Variants in BTLA observed in about 807,000 individuals in gnomAD.
The protein encoded by BTLA is B- and T-lymphocyte attenuator.
A neutral mutation model predicts 25.0 loss-of-function variants in BTLA; 11 were observed. The ratio of observed to expected loss-of-function variants is 0.44; its 90% CI spans 0.28 to 0.73. The LOEUF is 0.73. BTLA is among the 30% of genes least tolerant of loss of function. The pLI is 0.15. For missense variants in BTLA, 282 were observed against 332.8 expected, an observed-to-expected ratio of 0.85 and a Z score of 1.19; for synonymous variants, 104 against 119.8, an observed-to-expected ratio of 0.87 and a Z score of 0.86.
intron 1 of BTLA, among the ~76,000 whole-genome samples, chr3:112,483,848 A>C (rs2082331585): frequency 6.6e-6 from 1 of 151,952 alleles, no homozygotes; most frequent in Non-Finnish European, 1.5e-5. Context: ...CGTGCCTGTA[A>C]TCCCAGCTAC....
chr3:112,494,213 T>C (rs2082396528), intron 1 of BTLA, among the ~76,000 whole-genome samples: 1 of 152,064 alleles, frequency 6.6e-6, no homozygotes, highest in Non-Finnish European at 1.5e-5. Flanking sequence ...GGAGATAACA[T>C]CTCACGCCAG....
rs548314920 is a variant in BTLA, at chr3:112,472,318, T to A, written c.404-963A>T. ...TTTTATATTTGTGTGCATTATGGGT[T>A]GTGATGTAAGATCTGGTTGTTGTTG... On this transcript the variant is annotated intron_variant, in intron 2 of 4. Transcript: ENST00000334529. Among the ~76,000 whole-genome samples the A allele has an allele frequency of 5.9e-5, 9 of 152,298 alleles. No homozygotes were observed. In the South Asian group the frequency reaches 1.9e-3, roughly 32 times the overall value.
intron 1 of BTLA, among the ~76,000 whole-genome samples, chr3:112,493,560 C>T (rs987811126): frequency 2.6e-5 from 4 of 152,158 alleles, no homozygotes; most frequent in African/African-American, 9.6e-5. Context: ...AGCTGGAGTG[C>T]AGTGGTGCAA....
chr3:112,477,487 T>C (rs765043226), intron 2 of BTLA, among the ~76,000 whole-genome samples: 61 of 152,224 alleles, frequency 4.0e-4, no homozygotes, highest in South Asian at 1.0e-3. Context: ...TTGTATATTT[T>C]CTTTGATGAA....
chr3:112,474,852 G>A (rs2082280681), intron 2 of BTLA, among the ~76,000 whole-genome samples: 1 of 152,194 alleles, frequency 6.6e-6, no homozygotes, highest in Admixed American at 6.5e-5. Context: ...GCAATTGAGA[G>A]GCTGTATATG....
intron 4 of BTLA, among the ~76,000 whole-genome samples, chr3:112,469,450 A>C (rs934363156): frequency 6.6e-6 from 1 of 151,992 alleles, no homozygotes; most frequent in Non-Finnish European, 1.5e-5. Context: ...AGCAGAGTCA[A>C]GTTTGTATGG....
chr3:112,494,351 A>G (rs1441915102), intron 1 of BTLA, among the ~76,000 whole-genome samples: 1 of 152,142 alleles, frequency 6.6e-6, no homozygotes, highest in Non-Finnish European at 1.5e-5. Flanking sequence ...CAGTATGGCA[A>G]TTCCTCGATC....
intron 4 of BTLA, among the ~76,000 whole-genome samples, chr3:112,467,377 A>T (rs191126469): frequency 2.6e-5 from 4 of 152,226 alleles, no homozygotes; most frequent in African/African-American, 9.7e-5. Context: ...TCAGTTATTT[A>T]TTAGCCGCTC....
chr3:112,472,771 T>A (rs1472039469), intron 2 of BTLA, among the ~76,000 whole-genome samples: 1 of 152,124 alleles, frequency 6.6e-6, no homozygotes, highest in East Asian at 1.9e-4. Context: ...GTAAAAATGA[T>A]TAGAGGCAAC....
chr3:112,484,372 T>C (rs922985365), intron 1 of BTLA, among the ~76,000 whole-genome samples: 2 of 152,222 alleles, frequency 1.3e-5, no homozygotes, highest in African/African-American at 2.4e-5. Flanking sequence ...AATGAGACTA[T>C]TCATTTGAAC....
chr3:112,485,937 C>T (rs113631849), intron 1 of BTLA, among the ~76,000 whole-genome samples: 5,006 of 152,210 alleles, frequency 0.033, 253 homozygotes, highest in African/African-American at 0.11. Flanking sequence ...ACGGTGAAAC[C>T]CCGTCTCTAC....
At chr3:112,470,580 T>G (rs1331008691) in intron 3 of BTLA, 5 of 152,230 alleles carry the variant, frequency 3.3e-5, no homozygotes. Flanking sequence ...ACTTAACATA[T>G]TTGGTCATGA....
intron 1 of BTLA, among the ~76,000 whole-genome samples, chr3:112,493,419 T>G (rs1241848191): frequency 6.6e-6 from 1 of 152,054 alleles, no homozygotes; most frequent in Admixed American, 6.5e-5. Context: ...AGGCCTAATA[T>G]CCAGAATTTA....
At chr3:112,476,660 C>T (rs554966552) in intron 2 of BTLA, among the ~76,000 whole-genome samples, 8 of 152,172 alleles carry the variant, frequency 5.3e-5, no homozygotes, top group African/African-American at 1.9e-4. Flanking sequence ...TTCTTTGATC[C>T]AAATATATTT....
chr3:112,467,187 C>G (rs1480907805), intron 4 of BTLA, among the ~76,000 whole-genome samples: 5 of 152,106 alleles, frequency 3.3e-5, no homozygotes, highest in Admixed American at 6.5e-5. Context: ...GTCTCGATCT[C>G]CTGACCTCGT....
At chr3:112,478,899 G>T (rs946715164) in intron 2 of BTLA, among the ~76,000 whole-genome samples, 1 of 151,976 alleles carries the variant, frequency 6.6e-6, no homozygotes, top group Non-Finnish European at 1.5e-5. Flanking sequence ...CCTCTTTCGG[G>T]GAACAGGGAA....
At chr3:112,483,809 A>C (rs557527632) in intron 1 of BTLA, among the ~76,000 whole-genome samples, 1 of 152,092 alleles carries the variant, frequency 6.6e-6, no homozygotes, top group South Asian at 2.1e-4. Context: ...CTTTACTAAA[A>C]ATACAAAAAT....
At position 112,465,993 on chromosome 3, in the gene BTLA, AT is replaced by A. The variant is rs2082223132; in HGVS notation, c.*114del. ...TTAAGACCCAAGCACTAACATGAAC[AT>A]TTCTAAAGTAAAAATTCTCAAATTG... On this transcript the variant is annotated 3_prime_UTR_variant, in exon 5 of 5. Coordinates refer to ENST00000334529, the MANE Select transcript of BTLA (RefSeq NM_181780.4). 1 of 1,232,746 alleles carries A rather than the reference AT, an allele frequency of 8.1e-7. No individual in the cohort carries two copies. The highest frequency in any genetic ancestry group is 2.4e-5 in the East Asian group (1 of 41,766). The allele number at this position is 1,232,746 out of a possible 1,614,324, so 76.4% of individuals were successfully genotyped here. A position where few individuals can be genotyped will look rare whatever the true frequency, so the allele number is the denominator to read the frequency against.
intron 1 of BTLA, among the ~76,000 whole-genome samples, chr3:112,483,548 G>A (rs150710592): frequency 3.4e-4 from 52 of 152,232 alleles, no homozygotes; most frequent in African/African-American, 8.9e-4. Flanking sequence ...CTTGAGGGAC[G>A]TTGCATGCTG....
Sources: allele counts gnomAD v4.1 joint callset (sites outside exome capture counted in the v4.1 genomes callset), GRCh38; gene constraint gnomAD v4.1.1; transcripts MANE v1.5; gene names NCBI Gene and HGNC (gene_info 2026-07-23, HGNC 2026-07-21).